Variants in SEC63 observed in about 807,000 individuals in gnomAD.
SEC63 encodes the protein translocation protein SEC63 homolog.
Under a neutral mutation model 116.2 loss-of-function variants are expected in SEC63, and 56 were observed. That is an observed-to-expected ratio of 0.48 (90% confidence interval 0.39 to 0.60). The LOEUF (loss-of-function observed/expected upper bound fraction) is 0.60. Ranked by LOEUF, SEC63 falls within the 20% of genes least tolerant of loss-of-function variation. The probability of loss-of-function intolerance (pLI) is 0.00; values close to 1 mark genes in which losing one functional copy is unlikely to be tolerated. For missense variants in SEC63, 668 were observed against 900.0 expected (o/e 0.74, Z 3.30); for synonymous variants, 273 against 294.6 (o/e 0.93, Z 0.75).
intron 3 of SEC63, among the ~76,000 whole-genome samples, chr6:107,923,396 G>A (rs866273072): frequency 8.5e-5 from 13 of 152,246 alleles, no homozygotes; most frequent in Middle Eastern, 3.4e-3. Context: ...TTATAGGCAC[G>A]AGCCACTGCG....
Position 107,893,917 on chromosome 6 carries a change from G to T in SEC63, c.1441-20C>A. 1 of 1,612,692 alleles carries T rather than the reference G, an allele frequency of 6.2e-7. No homozygotes were observed. The highest frequency in any genetic ancestry group is 8.5e-7 in the Non-Finnish European group (1 of 1,178,994). On this transcript the variant is annotated intron_variant, in intron 14 of 20. Transcript: ENST00000369002. ...TACTTCCTGGGGGGCGGCAAGAAGA[G>T]AAATACAAAATCTGTCAACCTATAT...
chr6:107,871,672 G>C lies in SEC63; in HGVS notation c.*32C>G. The C allele has an allele frequency of 6.2e-7, 1 of 1,609,976 alleles. No individual in the cohort carries two copies. The highest frequency in any genetic ancestry group is 8.5e-7 in the Non-Finnish European group (1 of 1,178,578). On this transcript the variant is annotated 3_prime_UTR_variant, in exon 21 of 21. Transcript: ENST00000369002. ...CAAAACAGCAAAAAATTGCAAATAT[G>C]TGCAAACACTGTGGTCCATTCAGAG...
intron 13 of SEC63, among the ~76,000 whole-genome samples, chr6:107,898,286 G>A (rs564505019): frequency 1.2e-4 from 18 of 149,126 alleles, no homozygotes; most frequent in African/African-American, 4.4e-4. Context: ...CTGAGGTTCA[G>A]AAATAAAGTA....
intron 4 of SEC63, 99 bp from the exon 5 acceptor site, chr6:107,913,526 G>C (rs1322478455): frequency 2.4e-6 from 2 of 839,182 alleles, no homozygotes; most frequent in Non-Finnish European, 4.2e-6. Flanking sequence ...TCATTTCTTA[G>C]AAGATACTGA....
At chr6:107,903,564 G>A (rs1787060003) in intron 11 of SEC63, among the ~76,000 whole-genome samples, 1 of 152,128 alleles carries the variant, frequency 6.6e-6, no homozygotes, top group African/African-American at 2.4e-5. Flanking sequence ...AGTTAGCTCC[G>A]TGCTGTGGTA....
In SEC63 at chr6:107,868,727, T is replaced by C. The variant is rs1786056816; in HGVS notation, c.*2977A>G. 1 of 151,624 alleles carries C rather than the reference T, an allele frequency of 6.6e-6. No homozygotes were observed. Among genetic ancestry groups the C allele is most frequent in the East Asian group, 1.9e-4 (1 of 5,190 alleles). The allele number at this position is 151,624 out of a possible 1,614,324, so 9.4% of individuals were successfully genotyped here. A position where few individuals can be genotyped will look rare whatever the true frequency, so the allele number is the denominator to read the frequency against. The stretch of plus-strand genomic sequence containing the variant: ...GCCAAGGCAAATGGATTTAAATGGA[T>C]TGCCACTCATCTACCTGCTCTAACA... On this transcript the variant is annotated 3_prime_UTR_variant, in exon 21 of 21. Coordinates refer to ENST00000369002, the MANE Select transcript of SEC63 (RefSeq NM_007214.5).
At chr6:107,936,886 C>T (rs1281829734) in intron 1 of SEC63, among the ~76,000 whole-genome samples, 2 of 152,164 alleles carry the variant, frequency 1.3e-5, no homozygotes, top group African/African-American at 4.8e-5. Flanking sequence ...TTTTTCAACC[C>T]TTGTCTCCTT....
intron 1 of SEC63, among the ~76,000 whole-genome samples, chr6:107,955,768 C>A (rs1770698001): frequency 6.6e-6 from 1 of 152,064 alleles, no homozygotes; most frequent in African/African-American, 2.4e-5. Flanking sequence ...CGCCTGTAAT[C>A]CCAGCTACTG....
intron 18 of SEC63, among the ~76,000 whole-genome samples, chr6:107,878,823 C>G (rs1291778238): frequency 4.6e-5 from 7 of 151,920 alleles, no homozygotes; most frequent in African/African-American, 7.3e-5. Flanking sequence ...CCACTGCAGT[C>G]CAGCCTGGGC....
intron 17 of SEC63, 112 bp downstream of exon 17, chr6:107,882,872 ATTAT>A (rs1484898971): frequency 5.9e-6 from 4 of 673,414 alleles, no homozygotes; most frequent in Non-Finnish European, 1.0e-5. Context: ...ATATACAGAT[ATTAT>A]TTAAAGAAAG....
At chr6:107,883,320 C>G (rs1786454871) in intron 16 of SEC63, 174 bp from the exon 17 acceptor site, 1 of 681,978 alleles carries the variant, frequency 1.5e-6, no homozygotes, top group South Asian at 2.0e-5. Flanking sequence ...ATGTGGGAGT[C>G]AGACTAAAGA....
intron 5 of SEC63, among the ~76,000 whole-genome samples, chr6:107,913,148 A>G (rs190357350): frequency 6.6e-6 from 1 of 152,320 alleles, no homozygotes; most frequent in East Asian, 1.9e-4. Context: ...TGGAAATGAT[A>G]GTGATTATTC....
At chr6:107,873,941 A>G (rs1307669884) in intron 19 of SEC63, among the ~76,000 whole-genome samples, 1 of 152,230 alleles carries the variant, frequency 6.6e-6, no homozygotes, top group Non-Finnish European at 1.5e-5. Flanking sequence ...TGAGCAGAGT[A>G]AAAATTGATT....
At chr6:107,950,901 CTAA>C (rs1284267347) in intron 1 of SEC63, among the ~76,000 whole-genome samples, 2 of 152,130 alleles carry the variant, frequency 1.3e-5, no homozygotes, top group African/African-American at 2.4e-5. Flanking sequence ...ATTCGAAATT[CTAA>C]TAATTACAAG....
intron 12 of SEC63, among the ~76,000 whole-genome samples, chr6:107,902,266 A>T (rs1787022177): frequency 6.6e-6 from 1 of 152,094 alleles, no homozygotes; most frequent in South Asian, 2.1e-4. Context: ...ATTCTACATT[A>T]ATATACTATC....
At chr6:107,942,839 T>C (rs1043118250) in intron 1 of SEC63, among the ~76,000 whole-genome samples, 1 of 152,172 alleles carries the variant, frequency 6.6e-6, no homozygotes, top group Non-Finnish European at 1.5e-5. Context: ...AGAAAATATA[T>C]TTACAGTACT....
chr6:107,879,571 C>T (rs1786363550), intron 18 of SEC63, among the ~76,000 whole-genome samples: 1 of 152,146 alleles, frequency 6.6e-6, no homozygotes, highest in Admixed American at 6.5e-5. Flanking sequence ...GTGATCCACC[C>T]ACCTCGTCCC....
At chr6:107,886,313 T>A (rs1786527164) in intron 16 of SEC63, among the ~76,000 whole-genome samples, 2 of 152,368 alleles carry the variant, frequency 1.3e-5, no homozygotes, top group Middle Eastern at 3.4e-3. Context: ...AGTGCCGCAA[T>A]AAACATACAT....
intron 19 of SEC63, among the ~76,000 whole-genome samples, chr6:107,875,184 G>A (rs952026072): frequency 2.0e-5 from 3 of 152,086 alleles, no homozygotes; most frequent in Admixed American, 2.0e-4. Flanking sequence ...GTTCTTAAGG[G>A]ATACATGTCA....
Sources: gnomAD v4.1 joint callset for allele counts (sites outside exome capture counted in the v4.1 genomes callset) on GRCh38, gnomAD v4.1.1 for gene constraint, MANE v1.5 for transcripts, NCBI Gene and HGNC (gene_info 2026-07-23, HGNC 2026-07-21) for gene names.